DCTN5: variants seen among roughly 807,000 people sequenced by gnomAD.
The protein encoded by DCTN5 is dynactin subunit 5, also known as dynactin 4.
DCTN5 carries 14 observed loss-of-function variants against 23.5 expected under a neutral mutation model. The ratio of observed to expected loss-of-function variants is 0.60; its 90% CI spans 0.39 to 0.93. The LOEUF (loss-of-function observed/expected upper bound fraction) is 0.93. DCTN5 is among the 40% of genes least tolerant of loss of function. DCTN5 has a pLI of 0.00. For missense variants in DCTN5, 156 were observed against 225.9 expected (o/e 0.69, Z 1.98); for synonymous variants, 67 against 79.6 (o/e 0.84, Z 0.84).
At chr16:23,666,998 T>C (rs16940386) in intron 5 of DCTN5, 49 bp from the exon 6 acceptor site, 40,311 of 1,610,546 alleles carry the variant, frequency 0.025, 1,574 homozygotes, top group African/African-American at 0.16. Context: ...ATATCTTAAC[T>C]TCTTGTAACT....
intron 1 of DCTN5, 59 bp downstream of exon 1, chr16:23,641,649 G>C (rs1967263795): frequency 6.3e-7 from 1 of 1,598,552 alleles, no homozygotes; most frequent in Non-Finnish European, 8.6e-7. Context: ...TTGAGGCCTG[G>C]TCGGCGTTCC....
intron 5 of DCTN5, chr16:23,666,444 G>A (rs16940383): frequency 0.063 from 9,656 of 153,478 alleles, 641 homozygotes; most frequent in African/African-American, 0.16. Flanking sequence ...AAATTATAAA[G>A]CTTGAGGAAA....
At chr16:23,645,680 C>G (rs1478367893) in intron 2 of DCTN5, among the ~76,000 whole-genome samples, 3 of 152,138 alleles carry the variant, frequency 2.0e-5, no homozygotes, top group African/African-American at 7.2e-5. Flanking sequence ...TGGCTTATTT[C>G]ACTTAGTGTA....
Position 23,674,930 on chromosome 16 carries a change from C to G in DCTN5, c.*7786C>G, listed in dbSNP as rs1269647032. 1.3e-5 allele frequency: 2 copies of G among 152,218 alleles called. No homozygotes were observed. Among genetic ancestry groups the G allele is most frequent in the African/African-American group, 4.8e-5 (2 of 41,532 alleles). 9.4% of individuals were successfully genotyped at this position (152,218 alleles called of 1,614,324 possible). On this transcript the variant is annotated 3_prime_UTR_variant, in exon 6 of 6. Transcript: ENST00000300087. ...CTGTGTCCTTGTATGGTCCCTCTGT[C>G]TGGGTGTCTGTGTCCTAATCTTCTC...
chr16:23,653,890 A>G (rs1967648907), intron 2 of DCTN5, among the ~76,000 whole-genome samples: 1 of 152,242 alleles, frequency 6.6e-6, no homozygotes, highest in African/African-American at 2.4e-5. Context: ...GGCAAAGGAC[A>G]TGAACAGACA....
At chr16:23,651,103 A>T (rs1967595834) in intron 2 of DCTN5, 2 of 1,321,948 alleles carry the variant, frequency 1.5e-6, no homozygotes, top group Non-Finnish European at 1.9e-6. Context: ...TAGCTAAAAA[A>T]AATTAAAAGA....
chr16:23,649,086 C>G (rs975939215), intron 2 of DCTN5, among the ~76,000 whole-genome samples: 1 of 152,176 alleles, frequency 6.6e-6, no homozygotes, highest in East Asian at 1.9e-4. Flanking sequence ...TCTCGAACTC[C>G]TGACCTCAAG....
intron 4 of DCTN5, among the ~76,000 whole-genome samples, chr16:23,663,371 C>A (rs1301002913): frequency 6.6e-6 from 1 of 152,178 alleles, no homozygotes; most frequent in Non-Finnish European, 1.5e-5. Flanking sequence ...GTATTAGCAG[C>A]ACGGCTGCAG....
rs753941051 is a variant in DCTN5, at chr16:23,665,632, C to T, written c.355C>T (p.Arg119Ter). 15 of 1,612,212 alleles carry T rather than the reference C, an allele frequency of 9.3e-6. No homozygotes were observed. Among genetic ancestry groups the T allele is most frequent in the South Asian group, 6.6e-5 (6 of 90,612 alleles). ...AACAAGATTTTAATTTCAGGGGCGC[C>T]GATGTGTGTTGAAAGACTGCTGCAA... ...HVGKNCVIGR[R>*]CVLKDCCKIL... The change falls in exon 5 of 6, where the codon CGA (arginine) becomes TGA (stop). Residue 119 changes from arginine to a stop codon, truncating the protein, a stop_gained. Coordinates refer to ENST00000300087, the MANE Select transcript of DCTN5 (RefSeq NM_032486.4). LOFTEE classifies it high-confidence loss of function.
At position 23,675,427 on chromosome 16, in the gene DCTN5, G is replaced by A. The variant is rs1485691460; in HGVS notation, c.*8283G>A. ...AGGTAGGAGGATGGCTTGAGCCCAG[G>A]AGGCGGAGGTTGCAGTGAGCCAAAA... On this transcript the variant is annotated 3_prime_UTR_variant, in exon 6 of 6. Transcript: ENST00000300087. 6.6e-6 allele frequency: 1 copy of A among 151,944 alleles called. No homozygotes were observed. Among genetic ancestry groups the A allele is most frequent in the East Asian group, 1.9e-4 (1 of 5,168 alleles). The allele number at this position is 151,944 out of a possible 1,614,324, so 9.4% of individuals were successfully genotyped here.
intron 2 of DCTN5, among the ~76,000 whole-genome samples, chr16:23,648,244 C>T (rs1238696903): frequency 6.6e-6 from 1 of 151,978 alleles, no homozygotes; most frequent in Non-Finnish European, 1.5e-5. Flanking sequence ...CAGCCTTGAC[C>T]TTCCAGGCCA....
At chr16:23,645,808 C>T (rs1219051820) in intron 2 of DCTN5, among the ~76,000 whole-genome samples, 1 of 152,148 alleles carries the variant, frequency 6.6e-6, no homozygotes, top group Non-Finnish European at 1.5e-5. Flanking sequence ...ATTGTTTCTA[C>T]CCTTTGGCTA....
chr16:23,646,777 T>G (rs781383731), intron 2 of DCTN5, among the ~76,000 whole-genome samples: 1 of 152,130 alleles, frequency 6.6e-6, no homozygotes, highest in Non-Finnish European at 1.5e-5. Context: ...GGTTTCTCCA[T>G]ATTGGTCAGG....
At chr16:23,651,015 A>C in intron 2 of DCTN5, 1 of 1,409,428 alleles carries the variant, frequency 7.1e-7, no homozygotes, top group Non-Finnish European at 9.2e-7. Flanking sequence ...TTTAAAATGC[A>C]AGATGTTCCA....
rs1967954047 is a variant in DCTN5 at position 23,668,842 on chromosome 16, A to G, written c.*1698A>G. 1 of 152,268 alleles carries G rather than the reference A, an allele frequency of 6.6e-6. No individual in the cohort carries two copies. The highest frequency in any genetic ancestry group is 1.9e-4 in the East Asian group (1 of 5,200). 9.4% of individuals were successfully genotyped at this position (152,268 alleles called of 1,614,324 possible). A position where few individuals can be genotyped will look rare whatever the true frequency, so the allele number is the denominator to read the frequency against. On this transcript the variant is annotated 3_prime_UTR_variant, in exon 6 of 6. Coordinates refer to ENST00000300087, the MANE Select transcript of DCTN5 (RefSeq NM_032486.4). ...TTCCAGTTCGAATTTGGAAACTCCC[A>G]AAGTTCTCAATGGTTTGTTGTGAGT...
At chr16:23,666,454 A>G (rs2140988597) in intron 5 of DCTN5, 1 of 153,878 alleles carries the variant, frequency 6.5e-6, no homozygotes, top group East Asian at 1.9e-4. Context: ...GCTTGAGGAA[A>G]CAAAAGTGAT....
At chr16:23,666,438 T>C (rs1967907634) in intron 5 of DCTN5, 1 of 153,216 alleles carries the variant, frequency 6.5e-6, no homozygotes, top group African/African-American at 2.4e-5. Context: ...AGTTCCAAAT[T>C]ATAAAGCTTG....
At chr16:23,647,154 A>G (rs1004210643) in intron 2 of DCTN5, among the ~76,000 whole-genome samples, 1 of 132,770 alleles carries the variant, frequency 7.5e-6, no homozygotes, top group African/African-American at 3.4e-5. Flanking sequence ...TTTTTTTGAG[A>G]AAGAGTCTCA....
chr16:23,642,046 C>T (rs1967288379), intron 1 of DCTN5, among the ~76,000 whole-genome samples: 1 of 152,148 alleles, frequency 6.6e-6, no homozygotes, highest in African/African-American at 2.4e-5. Flanking sequence ...ATTCTCCTGC[C>T]TCAGCGTCTC....
Sources: gnomAD v4.1 joint callset for allele counts (sites outside exome capture counted in the v4.1 genomes callset) on GRCh38, gnomAD v4.1.1 for gene constraint, MANE v1.5 for transcripts, NCBI Gene and HGNC (gene_info 2026-07-23, HGNC 2026-07-21) for gene names.